The following HMCN2 variants were observed in gnomAD, a reference collection of about 807,000 sequenced individuals.
HMCN2 encodes hemicentin-2.
A neutral mutation model predicts 377.5 loss-of-function variants in HMCN2; 325 were observed. The observed-to-expected ratio is 0.86, with a 90% CI of 0.79 to 0.94. The LOEUF is 0.94. Among genes scored for constraint, HMCN2 ranks in the 40% least tolerant of loss-of-function variants. HMCN2 has a pLI of 0.00. For synonymous variants in HMCN2, 2,007 were observed against 2,046.8 expected, an observed-to-expected ratio of 0.98 and a Z score of 0.53; for missense variants, 4,543 against 4,725.3, an observed-to-expected ratio of 0.96 and a Z score of 1.13.
intron 4 of HMCN2, among the ~76,000 whole-genome samples, chr9:130,292,699 A>G (rs929203251): frequency 3.9e-5 from 6 of 152,074 alleles, no homozygotes; most frequent in Admixed American, 2.6e-4. Context: ...AGTTGTCCCA[A>G]ATTTAGTCAG....
intron 14 of HMCN2, among the ~76,000 whole-genome samples, chr9:130,309,639 C>CG (rs113125285): frequency 5.0e-4 from 75 of 150,850 alleles, no homozygotes; most frequent in South Asian, 2.1e-3. Context: ...TGGACACCAG[C>CG]GGGGGGGGTC....
At chr9:130,299,550 T>C (rs1554933547) in intron 8 of HMCN2, among the ~76,000 whole-genome samples, 1 of 151,728 alleles carries the variant, frequency 6.6e-6, no homozygotes, top group Non-Finnish European at 1.5e-5. Flanking sequence ...CATCCACCCA[T>C]TCATTCATGC....
intron 84 of HMCN2, among the ~76,000 whole-genome samples, chr9:130,409,375 T>G (rs921778425): frequency 6.6e-6 from 1 of 152,210 alleles, no homozygotes; most frequent in Non-Finnish European, 1.5e-5. Context: ...CCAGGTCTCC[T>G]GCCTCAGGCC....
intron 15 of HMCN2, among the ~76,000 whole-genome samples, chr9:130,310,707 C>T (rs567410977): frequency 6.6e-5 from 10 of 152,166 alleles, no homozygotes; most frequent in East Asian, 3.9e-4. Flanking sequence ...GGTGTGAACA[C>T]GAGGAGGCGG....
intron 66 of HMCN2, among the ~76,000 whole-genome samples, chr9:130,392,832 T>TAA (rs1158336418): frequency 6.6e-6 from 1 of 151,832 alleles, no homozygotes; most frequent in African/African-American, 2.4e-5. Flanking sequence ...CCGTCTCTAC[T>TAA]AAAAATACAA....
intron 35 of HMCN2, 55 bp from the exon 36 acceptor site, chr9:130,358,335 G>T (rs1017448153): frequency 3.8e-6 from 5 of 1,302,382 alleles, no homozygotes; most frequent in Non-Finnish European, 5.1e-6. Context: ...CACTCGCCAT[G>T]TCCCGTCATC....
rs1358639195 is a variant in HMCN2 at position 130,394,481 on chromosome 9, A to G, written c.10598A>G (p.Gln3533Arg). 7.8e-7 allele frequency: 1 copy of G among 1,289,814 alleles called. No homozygotes were observed. The highest frequency in any genetic ancestry group is 1.2e-5 in the South Asian group (1 of 81,022). 79.9% of individuals were successfully genotyped at this position (1,289,814 alleles called of 1,614,324 possible). ...ELLCDAQGTP[Q>R]PNITWHKDGQ... ...CTCTGTGATGCCCAGGGCACCCCCC[A>G]GCCCAACATCACCTGGCATAAGGAC... is the stretch of plus-strand genomic sequence containing the variant. The change falls in exon 69 of 98, where the codon CAG (glutamine) becomes CGG (arginine). Residue 3533 changes from glutamine to arginine, a missense_variant. Transcript: ENST00000683500. This position sits in a 1 kb window ranked among gnomAD's most constrained non-coding sequence, Gnocchi z 5.1.
intron 1 of HMCN2, among the ~76,000 whole-genome samples, chr9:130,267,607 G>C (rs1564731394): frequency 6.6e-6 from 1 of 152,214 alleles, no homozygotes; most frequent in African/African-American, 2.4e-5. Flanking sequence ...TACCATTACA[G>C]GTTCTTAGAA....
intron 29 of HMCN2, among the ~76,000 whole-genome samples, chr9:130,350,109 T>C (rs1839622794): frequency 6.6e-6 from 1 of 151,484 alleles, no homozygotes; most frequent in South Asian, 2.1e-4. Context: ...GGGGTCCTGC[T>C]TTGTTGCCCA....
Position 130,433,920 on chromosome 9 carries a change from C to G in HMCN2, c.*227C>G. 1 of 458,158 alleles carries G rather than the reference C, an allele frequency of 2.2e-6. No individual in the cohort carries two copies. The highest frequency in any genetic ancestry group is 3.8e-6 in the Non-Finnish European group (1 of 263,450). The allele number at this position is 458,158 out of a possible 1,614,324, so 28.4% of individuals were successfully genotyped here. A position where few individuals can be genotyped will look rare whatever the true frequency, so the allele number is the denominator to read the frequency against. The stretch of plus-strand genomic sequence containing the variant: ...AGGGCGGCCCTTGGGTGGCCAGTCC[C>G]GCAGGCAGGGCCCGGGGAAGCCCGG... On this transcript the variant is annotated 3_prime_UTR_variant, in exon 98 of 98. Coordinates refer to ENST00000683500, the MANE Select transcript of HMCN2 (RefSeq NM_001291815.2).
In HMCN2 at chr9:130,423,217, A is replaced by C. The variant is rs1844120207; in HGVS notation, c.13381+491A>C. Among the ~76,000 whole-genome samples the C allele has an allele frequency of 2.0e-5, 3 of 152,184 alleles. No homozygotes were observed. On this transcript the variant is annotated intron_variant, in intron 87 of 97. Transcript: ENST00000683500. The surrounding 1 kb of genome is among the most constrained non-coding windows in gnomAD (Gnocchi z 5.5). ...AGAGTCACCTGCACACAGAGCTCTC[A>C]TGTACGGTGTCTGAGCGATGAATGC...
At chr9:130,336,735 A>G (rs1367142328) in intron 22 of HMCN2, among the ~76,000 whole-genome samples, 3 of 152,194 alleles carry the variant, frequency 2.0e-5, no homozygotes, top group Non-Finnish European at 4.4e-5. Context: ...TACTCTGCAG[A>G]TGGGGAGACA....
Position 130,354,743 on chromosome 9 carries a change from G to A in HMCN2, c.4865-20G>A, listed in dbSNP as rs375896216. The A allele has an allele frequency of 3.8e-5, 48 of 1,271,216 alleles. No homozygotes were observed. Among genetic ancestry groups the A allele is most frequent in the Middle Eastern group, 3.1e-4 (1 of 3,272 alleles). 78.7% of individuals were successfully genotyped at this position (1,271,216 alleles called of 1,614,324 possible). On this transcript the variant is annotated intron_variant, in intron 31 of 97. Coordinates refer to ENST00000683500, the MANE Select transcript of HMCN2 (RefSeq NM_001291815.2). ...AGCGTCCAGCTGTGGTCCCCAAGCC[G>A]CCCCCTGCCTCTTTTCCAGTCCCAC...
In HMCN2 at chr9:130,303,804, G is replaced by A. The variant is rs1301511679; in HGVS notation, c.1543+196G>A. ...ACCCAGGAACGGCCTGTGGGTCTCC[G>A]CTGGAGGAAGGCTGAGGACCTGGCT... On this transcript the variant is annotated intron_variant, in intron 10 of 97. Coordinates refer to ENST00000683500, the MANE Select transcript of HMCN2 (RefSeq NM_001291815.2). This position sits in a 1 kb window ranked among gnomAD's most constrained non-coding sequence, Gnocchi z 5.2. Among the ~76,000 whole-genome samples the A allele has an allele frequency of 6.6e-6, 1 of 152,176 alleles. No homozygotes were observed. Among genetic ancestry groups the A allele is most frequent in the Non-Finnish European group, 1.5e-5 (1 of 68,024 alleles).
rs1839574813 is a variant in HMCN2, at chr9:130,349,434, A to AG, written c.4304-97dup. The AG allele has an allele frequency of 2.7e-5, 32 of 1,200,270 alleles. 1 individual carries two copies. In the South Asian group the frequency reaches 4.5e-4, roughly 17 times the overall value. The allele number at this position is 1,200,270 out of a possible 1,614,324, so 74.4% of individuals were successfully genotyped here. On this transcript the variant is annotated intron_variant, in intron 28 of 97. Transcript: ENST00000683500. Reference sequence around the variant, plus strand: ...GGGCTTCCCAGGAAGGTCAGGTAGGAGGGGGGCCCAGGCTGGGGGGTCTGC... The same window carrying AG: ...GGGCTTCCCAGGAAGGTCAGGTAGGAGGGGGGGCCCAGGCTGGGGGGTCTGC...
chr9:130,275,813 G>A (rs1554922895), intron 1 of HMCN2, among the ~76,000 whole-genome samples: 1 of 152,002 alleles, frequency 6.6e-6, no homozygotes, highest in East Asian at 2.0e-4. Context: ...CTTCTGAGGG[G>A]AAAATTCACT....
chr9:130,374,099 G>C (rs151071339), intron 48 of HMCN2, among the ~76,000 whole-genome samples: 8 of 151,916 alleles, frequency 5.3e-5, no homozygotes, highest in African/African-American at 1.9e-4. Context: ...TGGATGGTTG[G>C]GTGGATGGGT....
intron 44 of HMCN2, 90 bp downstream of exon 44, chr9:130,368,527 T>C: frequency 1.4e-6 from 1 of 720,784 alleles, no homozygotes; most frequent in Non-Finnish European, 1.7e-6. Context: ...TACGGGGAAG[T>C]GATGGTGTGT....
At chr9:130,392,239 C>A in intron 66 of HMCN2, 121 bp downstream of exon 66, 1 of 659,162 alleles carries the variant, frequency 1.5e-6, no homozygotes, top group Non-Finnish European at 1.9e-6. Context: ...CACCCCACAG[C>A]GAGTGTGGAC....
Sources: allele counts gnomAD v4.1 joint callset (sites outside exome capture counted in the v4.1 genomes callset), GRCh38; gene constraint gnomAD v4.1.1; non-coding constraint Gnocchi (gnomAD v3.1); transcripts MANE v1.5; gene names NCBI Gene and HGNC (gene_info 2026-07-23, HGNC 2026-07-21).